The following WWC1 variants were observed in gnomAD, a reference collection of about 807,000 sequenced individuals.
WWC1 encodes WW and C2 domain containing 1, also known as protein KIBRA.
Under a neutral mutation model 138.4 loss-of-function variants are expected in WWC1, and 55 were observed. The ratio of observed to expected loss-of-function variants is 0.40; its 90% CI spans 0.32 to 0.50. The LOEUF is 0.50. Ranked by LOEUF, WWC1 falls within the 20% of genes least tolerant of loss-of-function variation. WWC1 has a pLI of 0.72. For missense variants in WWC1, 1,226 were observed against 1,420.4 expected (o/e 0.86, Z 2.20); for synonymous variants, 524 against 564.9 (o/e 0.93, Z 1.03).
chr5:168,412,346 G>T (rs1236370132), intron 8 of WWC1, among the ~76,000 whole-genome samples: 3 of 152,212 alleles, frequency 2.0e-5, no homozygotes, highest in Non-Finnish European at 4.4e-5. Context: ...GTAATCCAAG[G>T]AGGGTCTGAT....
At position 168,425,606 on chromosome 5, in the gene WWC1, G is replaced by A. The variant is rs569017304; in HGVS notation, c.1810+1538G>A. On this transcript the variant is annotated intron_variant, in intron 11 of 22. Transcript: ENST00000265293. ...TCCTGGGTTCAAGCGATTCTCCTGC[G>A]TCAGCCTCCCGAGTAGCTGGAATTA... is the stretch of plus-strand genomic sequence containing the variant. Among the ~76,000 whole-genome samples the A allele has an allele frequency of 1.5e-3, 223 of 150,456 alleles. 2 individuals are homozygous for A. Among genetic ancestry groups the A allele is most frequent in the African/African-American group, 5.1e-3 (208 of 40,890 alleles).
intron 1 of WWC1, among the ~76,000 whole-genome samples, chr5:168,299,276 A>G (rs1014259799): frequency 4.6e-5 from 7 of 152,126 alleles, no homozygotes; most frequent in South Asian, 2.1e-4. Flanking sequence ...GTTACCATTT[A>G]TTCTTAAAAT....
At chr5:168,327,361 C>T (rs1043231701) in intron 1 of WWC1, among the ~76,000 whole-genome samples, 4 of 152,124 alleles carry the variant, frequency 2.6e-5, no homozygotes, top group African/African-American at 4.8e-5. Flanking sequence ...CTGACTCGCT[C>T]GGATAGTGTG....
chr5:168,373,978 G>A (rs765443331), intron 2 of WWC1, among the ~76,000 whole-genome samples: 6 of 150,596 alleles, frequency 4.0e-5, no homozygotes, highest in Non-Finnish European at 5.9e-5. Context: ...CCCTGGAAGC[G>A]GAGCTTGCAG....
chr5:168,355,262 G>A (rs1775305191), intron 1 of WWC1, among the ~76,000 whole-genome samples: 1 of 149,312 alleles, frequency 6.7e-6, no homozygotes, highest in African/African-American at 2.5e-5. Context: ...GGGAGGCTGA[G>A]GTGGGCGGAT....
Position 168,469,099 on chromosome 5 carries a change from T to A in WWC1, c.*82T>A. 6.4e-7 allele frequency: 1 copy of A among 1,552,266 alleles called. No individual in the cohort carries two copies. The highest frequency in any genetic ancestry group is 1.1e-5 in the South Asian group (1 of 88,756). Reference sequence around the variant, plus strand: ...CTAAAGTTATTTATGTGGTGTTATATGAAGGTACTGAGTCACAAGTCCTCT... The same window carrying A: ...CTAAAGTTATTTATGTGGTGTTATAAGAAGGTACTGAGTCACAAGTCCTCT... On this transcript the variant is annotated 3_prime_UTR_variant, in exon 23 of 23. Coordinates refer to ENST00000265293, the MANE Select transcript of WWC1 (RefSeq NM_015238.3).
At chr5:168,296,799 T>C (rs1769574620) in intron 1 of WWC1, among the ~76,000 whole-genome samples, 1 of 152,180 alleles carries the variant, frequency 6.6e-6, no homozygotes. Context: ...CTAGGCGGGC[T>C]CACACCAGAA....
chr5:168,363,559 C>G (rs1262416392), intron 1 of WWC1, among the ~76,000 whole-genome samples: 1 of 142,722 alleles, frequency 7.0e-6, no homozygotes, highest in Non-Finnish European at 1.5e-5. Flanking sequence ...ATGGTTTAAG[C>G]AGTCCCAGCT....
chr5:168,406,094 G>A, intron 5 of WWC1, 104 bp from the exon 6 acceptor site: 1 of 1,391,648 alleles, frequency 7.2e-7, no homozygotes, highest in Non-Finnish European at 9.8e-7. Context: ...CAGAGGGAGG[G>A]GCCTTCTTAA....
intron 1 of WWC1, among the ~76,000 whole-genome samples, chr5:168,344,530 A>G (rs1020483283): frequency 2.6e-5 from 4 of 152,214 alleles, no homozygotes; most frequent in African/African-American, 4.8e-5. Flanking sequence ...TACAAAGTAG[A>G]TGTATATGTG....
intron 8 of WWC1, chr5:168,411,749 G>A (rs1780246519): frequency 6.5e-6 from 1 of 154,098 alleles, no homozygotes. Flanking sequence ...CCTTGGGTTT[G>A]AGACTCCCTG....
intron 1 of WWC1, among the ~76,000 whole-genome samples, chr5:168,328,563 T>C (rs1283607725): frequency 1.3e-5 from 2 of 152,008 alleles, no homozygotes; most frequent in South Asian, 2.1e-4. Context: ...TTTTCTTTTA[T>C]TGAGACGGAG....
intron 1 of WWC1, among the ~76,000 whole-genome samples, chr5:168,295,742 G>T (rs1217298553): frequency 6.6e-6 from 1 of 152,172 alleles, no homozygotes. Context: ...GCTGCTGGGG[G>T]TAGGGAATCC....
At chr5:168,322,683 C>G (rs978068079) in intron 1 of WWC1, among the ~76,000 whole-genome samples, 1 of 152,186 alleles carries the variant, frequency 6.6e-6, no homozygotes, top group Non-Finnish European at 1.5e-5. Context: ...TAGATGTTAT[C>G]TCTTTGTTAC....
chr5:168,442,441 AAAAAAAAAAAAAAAAATTTAATT>A (rs1346612281), intron 16 of WWC1, among the ~76,000 whole-genome samples: 1 of 147,390 alleles, frequency 6.8e-6, no homozygotes, highest in Middle Eastern at 3.3e-3. Flanking sequence ...TGTCTCTACA[AAAAAAAAAAAAAAAAATTTAATT>A]AAAAAAAAAA....
intron 15 of WWC1, among the ~76,000 whole-genome samples, chr5:168,440,553 G>A (rs1196268796): frequency 6.6e-6 from 1 of 152,106 alleles, no homozygotes; most frequent in African/African-American, 2.4e-5. Flanking sequence ...TTTTGTTCTT[G>A]TTGCCCAGGC....
chr5:168,405,919 G>A (rs760185222), intron 5 of WWC1, among the ~76,000 whole-genome samples: 76 of 152,094 alleles, frequency 5.0e-4, no homozygotes, highest in Non-Finnish European at 8.1e-4. Context: ...TAGAGACGGG[G>A]TTTCACCATG....
chr5:168,436,727 C>T (rs1449823851), intron 15 of WWC1, among the ~76,000 whole-genome samples: 1 of 152,102 alleles, frequency 6.6e-6, no homozygotes, highest in African/African-American at 2.4e-5. Flanking sequence ...ACCCCATCCT[C>T]TTAGCTCCAC....
chr5:168,454,594 C>A (rs1283653842), intron 18 of WWC1, among the ~76,000 whole-genome samples: 1 of 152,204 alleles, frequency 6.6e-6, no homozygotes, highest in African/African-American at 2.4e-5. Flanking sequence ...GCAGGATTCA[C>A]TCTCCACAGA....
Sources: gnomAD v4.1 joint callset for allele counts (sites outside exome capture counted in the v4.1 genomes callset) on GRCh38, gnomAD v4.1.1 for gene constraint, MANE v1.5 for transcripts, NCBI Gene and HGNC (gene_info 2026-07-23, HGNC 2026-07-21) for gene names.